The following DPY19L3 variants were observed in gnomAD, a reference collection of about 807,000 sequenced individuals.
DPY19L3 encodes the protein dpy-19 like C-mannosyltransferase 3, also known as protein C-mannosyl-transferase DPY19L3.
A neutral mutation model predicts 92.3 loss-of-function variants in DPY19L3; 51 were observed. The ratio of observed to expected loss-of-function variants is 0.55; its 90% CI spans 0.44 to 0.70. The LOEUF is 0.70. Ranked by LOEUF, DPY19L3 falls within the 30% of genes least tolerant of loss-of-function variation. DPY19L3 has a pLI of 0.00. For synonymous variants in DPY19L3, 309 were observed against 315.2 expected (o/e 0.98, Z 0.21); for missense variants, 706 against 855.9 (o/e 0.82, Z 2.18).
rs1490738365 is a variant in DPY19L3 at position 32,484,749 on chromosome 19, C to CATAA, written c.*2509_*2510insATAA. 1 of 152,166 alleles carries CATAA rather than the reference C, an allele frequency of 6.6e-6. No individual in the cohort carries two copies. The highest frequency in any genetic ancestry group is 2.4e-5 in the African/African-American group (1 of 41,434). 9.4% of individuals were successfully genotyped at this position (152,166 alleles called of 1,614,324 possible). A position where few individuals can be genotyped will look rare whatever the true frequency, so the allele number is the denominator to read the frequency against. ...CTCCTCCATGCAAGTTCTGCTTCCTCTTATAAGTACACAACTCAGTTAAGT... is the reference window on the plus strand; with the variant it reads ...CTCCTCCATGCAAGTTCTGCTTCCTCATAATTATAAGTACACAACTCAGTTAAGT... On this transcript the variant is annotated 3_prime_UTR_variant, in exon 19 of 19. Transcript: ENST00000392250.
chr19:32,463,824 T>C, intron 13 of DPY19L3, 45 bp from the exon 14 acceptor site: 2 of 1,510,538 alleles, frequency 1.3e-6, no homozygotes, highest in Non-Finnish European at 1.8e-6. Context: ...TCCAGGTTTA[T>C]ATACAACTAG....
chr19:32,425,731 G>A (rs1968739178), intron 3 of DPY19L3, among the ~76,000 whole-genome samples: 1 of 151,946 alleles, frequency 6.6e-6, no homozygotes, highest in African/African-American at 2.4e-5. Flanking sequence ...TCAACAGTGG[G>A]CCTAAAATAG....
chr19:32,463,185 T>C (rs2145595414), intron 12 of DPY19L3, among the ~76,000 whole-genome samples, 181 bp from the exon 13 acceptor site: 1 of 152,334 alleles, frequency 6.6e-6, no homozygotes, highest in East Asian at 1.9e-4. Flanking sequence ...TTAATGCATT[T>C]ATATTGTTAC....
At chr19:32,410,202 T>C (rs552813727) in intron 2 of DPY19L3, among the ~76,000 whole-genome samples, 20 of 152,338 alleles carry the variant, frequency 1.3e-4, no homozygotes, top group Admixed American at 2.6e-4. Flanking sequence ...TTCAGTCTGT[T>C]ATTATTATTG....
chr19:32,477,614 C>G lies in DPY19L3; in HGVS notation c.1790C>G (p.Pro597Arg). The change falls in exon 17 of 19, where the codon CCG (proline) becomes CGG (arginine). Residue 597 changes from proline to arginine, a missense_variant. Coordinates refer to ENST00000392250, the MANE Select transcript of DPY19L3 (RefSeq NM_001172774.2). ...ACGGGAAGGACCCTAACCAACCACC[C>G]GCACTATGAAGACAGCAGCCTGAGA... is the stretch of plus-strand genomic sequence containing the variant. ...LCTGRTLTNH[P>R]HYEDSSLRER... is the part of the protein sequence containing the mutation. The G allele has an allele frequency of 6.2e-7, 1 of 1,614,146 alleles. No homozygotes were observed. Among genetic ancestry groups the G allele is most frequent in the Non-Finnish European group, 8.5e-7 (1 of 1,180,028 alleles).
chr19:32,437,667 A>T (rs1969188397), intron 6 of DPY19L3, among the ~76,000 whole-genome samples: 1 of 152,148 alleles, frequency 6.6e-6, no homozygotes, highest in Non-Finnish European at 1.5e-5. Flanking sequence ...TTAAATTGGC[A>T]AATAATAATT....
intron 9 of DPY19L3, among the ~76,000 whole-genome samples, chr19:32,453,538 T>G (rs954708643): frequency 3.9e-5 from 6 of 152,194 alleles, no homozygotes; most frequent in African/African-American, 1.4e-4. Flanking sequence ...AGATGCTTGG[T>G]TGAATGCCAC....
Position 32,468,738 on chromosome 19 carries a change from C to T in DPY19L3, c.1622C>T (p.Pro541Leu). Residue 541 changes from proline (P) to leucine (L), a missense_variant, in exon 16 of 19, where the codon CCA becomes CTA. Physicochemically the swap from Pro to Leu is moderately conservative, Grantham distance 98. Transcript: ENST00000392250. ...ILLYLCYKFW[P>L]GMMDELSELR... Reference sequence around the variant, plus strand: ...TTTTGTTTTTAATTTCAGTTCTGGCCAGGAATGATGGATGAACTCTCCGAG... The same window carrying T: ...TTTTGTTTTTAATTTCAGTTCTGGCTAGGAATGATGGATGAACTCTCCGAG... The T allele has an allele frequency of 1.2e-6, 2 of 1,613,416 alleles. No homozygotes were observed. Among genetic ancestry groups the T allele is most frequent in the Non-Finnish European group, 1.7e-6 (2 of 1,179,710 alleles).
chr19:32,427,971 T>TTC, intron 3 of DPY19L3: 1 of 146,406 alleles, frequency 6.8e-6, no homozygotes, highest in Non-Finnish European at 1.5e-5. Flanking sequence ...AACAAATCTT[T>TTC]TTTTTTTTTT....
chr19:32,475,861 G>A (rs1435292511), intron 16 of DPY19L3, among the ~76,000 whole-genome samples: 4 of 152,318 alleles, frequency 2.6e-5, no homozygotes, highest in Middle Eastern at 3.4e-3. Flanking sequence ...GCTCTCAAGT[G>A]CAGCCAAGCT....
chr19:32,453,638 C>T (rs1322344027), intron 9 of DPY19L3, among the ~76,000 whole-genome samples: 6 of 151,926 alleles, frequency 3.9e-5, no homozygotes, highest in East Asian at 3.9e-4. Context: ...GTGTTGGGAG[C>T]GTGTTCATTA....
Position 32,467,431 on chromosome 19 carries a change from T to C in DPY19L3, c.1615-1300T>C, listed in dbSNP as rs191068452. On this transcript the variant is annotated intron_variant, in intron 15 of 18. Transcript: ENST00000392250. The stretch of plus-strand genomic sequence containing the variant: ...AGATCATTGAAATATTACAAAGGCA[T>C]CATTTAATCAGTAATTTTTACTACA... The C allele has an allele frequency of 7.7e-4, 763 of 986,976 alleles. 1 individual carries two copies. Among genetic ancestry groups the C allele is most frequent in the Middle Eastern group, 1.7e-3 (6 of 3,546 alleles). 61.1% of individuals were successfully genotyped at this position (986,976 alleles called of 1,614,324 possible).
At chr19:32,454,815 C>T in intron 9 of DPY19L3, 124 bp from the exon 10 acceptor site, 1 of 587,178 alleles carries the variant, frequency 1.7e-6, no homozygotes, top group Non-Finnish European at 2.9e-6. Context: ...TTGTATTTTC[C>T]ACATATATTT....
At chr19:32,423,422 G>GTTTT (rs1599601418) in intron 3 of DPY19L3, among the ~76,000 whole-genome samples, 3 of 48,484 alleles carry the variant, frequency 6.2e-5, no homozygotes, top group Admixed American at 1.8e-4. Flanking sequence ...TTTTTTTTTG[G>GTTTT]TATTTTTAGT....
intron 10 of DPY19L3, among the ~76,000 whole-genome samples, chr19:32,455,427 C>T (rs1298332611): frequency 6.6e-6 from 1 of 152,138 alleles, no homozygotes; most frequent in Non-Finnish European, 1.5e-5. Flanking sequence ...TATGTCCCAC[C>T]TTGAACTTAC....
chr19:32,463,802 G>C, intron 13 of DPY19L3, 67 bp from the exon 14 acceptor site: 1 of 1,332,994 alleles, frequency 7.5e-7, no homozygotes, highest in Non-Finnish European at 1.1e-6. Context: ...TGCCTTTATA[G>C]GTGTCTCAGA....
At chr19:32,479,803 G>T (rs1317950893) in intron 17 of DPY19L3, among the ~76,000 whole-genome samples, 1 of 152,238 alleles carries the variant, frequency 6.6e-6, no homozygotes, top group Non-Finnish European at 1.5e-5. Flanking sequence ...ACGGTGTGCT[G>T]CAAGTGGCTC....
intron 18 of DPY19L3, 144 bp from the exon 19 acceptor site, chr19:32,481,935 C>A (rs1970684439): frequency 2.2e-6 from 2 of 892,006 alleles, no homozygotes; most frequent in Admixed American, 5.7e-5. Context: ...CCCTGATGAT[C>A]TCCAGGTGCC....
chr19:32,447,815 A>AC (rs1568344044), intron 8 of DPY19L3, among the ~76,000 whole-genome samples: 1 of 121,216 alleles, frequency 8.2e-6, no homozygotes, highest in South Asian at 2.8e-4. Flanking sequence ...AGATAGATAG[A>AC]TTAGATAGAT....
Sources: gnomAD v4.1 joint callset for allele counts (sites outside exome capture counted in the v4.1 genomes callset) on GRCh38, gnomAD v4.1.1 for gene constraint, MANE v1.5 for transcripts, NCBI Gene and HGNC (gene_info 2026-07-23, HGNC 2026-07-21) for gene names.